Variants in IL7 observed in about 807,000 individuals in gnomAD.
IL7 encodes the protein interleukin-7.
Under a neutral mutation model 21.6 loss-of-function variants are expected in IL7, and 3 were observed. The ratio of observed to expected loss-of-function variants is 0.14; its 90% confidence interval spans 0.06 to 0.36. The LOEUF (loss-of-function observed/expected upper bound fraction) is 0.36, where lower values mean the gene tolerates loss of function less well. Among genes scored for constraint, IL7 ranks in the 10% least tolerant of loss-of-function variants. IL7 has a pLI of 1.00. For missense variants in IL7, 175 were observed against 200.2 expected, an observed-to-expected ratio of 0.87 and a Z score of 0.76; for synonymous variants, 62 against 68.1, an observed-to-expected ratio of 0.91 and a Z score of 0.44.
chr8:78,770,594 T>A (rs887727998), intron 2 of IL7, among the ~76,000 whole-genome samples: 1 of 152,126 alleles, frequency 6.6e-6, no homozygotes, highest in African/African-American at 2.4e-5. Context: ...ACACTTATTA[T>A]TTATAGATTA....
At position 78,789,063 on chromosome 8, in the gene IL7, T is replaced by A. The variant is rs186584490; in HGVS notation, c.147+9009A>T. On this transcript the variant is annotated intron_variant, in intron 2 of 5. Transcript: ENST00000263851. ...ACTCCCATTTTGATTAGTGTTAACA[T>A]AGTGTATCATTCCCCATCCTTTTAC... 4.8e-3 allele frequency among the ~76,000 whole-genome samples: 725 copies of A among 152,296 alleles called. 4 individuals carry two copies. The highest frequency in any genetic ancestry group is 5.6e-3 in the Non-Finnish European group (380 of 68,018).
At chr8:78,710,283 A>T (rs889871454) in intron 3 of IL7, among the ~76,000 whole-genome samples, 1 of 152,120 alleles carries the variant, frequency 6.6e-6, no homozygotes, top group Non-Finnish European at 1.5e-5. Context: ...TGAGTTTTGA[A>T]TGTACATATA....
At chr8:78,740,162 TATA>T (rs1368564060) in intron 2 of IL7, 80 bp from the exon 3 acceptor site, 1 of 821,814 alleles carries the variant, frequency 1.2e-6, no homozygotes, top group African/African-American at 1.8e-5. Context: ...ATAATAATCT[TATA>T]ATATCTGATA....
At chr8:78,797,280 T>C (rs1464815879) in intron 2 of IL7, among the ~76,000 whole-genome samples, 1 of 151,942 alleles carries the variant, frequency 6.6e-6, no homozygotes, top group East Asian at 1.9e-4. Flanking sequence ...AGTCGGTGGA[T>C]AGGAGATTTT....
chr8:78,712,466 CAGTATATAAT>C (rs1236070691), intron 3 of IL7, among the ~76,000 whole-genome samples: 1 of 151,842 alleles, frequency 6.6e-6, no homozygotes, highest in African/African-American at 2.4e-5. Context: ...ATGTCTTGTA[CAGTATATAAT>C]ATTGTTAGAT....
chr8:78,698,153 A>G (rs577798710), intron 3 of IL7, among the ~76,000 whole-genome samples: 14 of 152,292 alleles, frequency 9.2e-5, no homozygotes, highest in African/African-American at 2.6e-4. Flanking sequence ...GTAGTAGTCA[A>G]ACACTTAATA....
downstream of IL7, among the ~76,000 whole-genome samples, chr8:78,729,637 C>A (rs1811390030): frequency 6.6e-6 from 1 of 151,992 alleles, no homozygotes; most frequent in African/African-American, 2.4e-5. Flanking sequence ...ATAATGGTTA[C>A]TTTGTAATTT....
At chr8:78,739,440 T>C (rs1811704871) in intron 3 of IL7, among the ~76,000 whole-genome samples, 1 of 152,154 alleles carries the variant, frequency 6.6e-6, no homozygotes, top group African/African-American at 2.4e-5. Flanking sequence ...ACGCCTGTAA[T>C]CCCAGCACTT....
At chr8:78,756,905 A>G (rs1563422814) in intron 2 of IL7, among the ~76,000 whole-genome samples, 1 of 148,896 alleles carries the variant, frequency 6.7e-6, no homozygotes, top group African/African-American at 2.5e-5. Context: ...TCTGCTCTTT[A>G]TTTTTGCCTT....
chr8:78,717,701 G>C (rs1301717360), downstream of IL7: 6 of 353,226 alleles, frequency 1.7e-5, no homozygotes, highest in East Asian at 2.7e-4. Context: ...TGATACCCCA[G>C]ACTGTGTCAT....
chr8:78,723,211 C>A (rs1485610649), intron 3 of IL7, among the ~76,000 whole-genome samples: 1 of 151,358 alleles, frequency 6.6e-6, no homozygotes, highest in Non-Finnish European at 1.5e-5. Context: ...GAAGCAATTA[C>A]AATCTTCATG....
At chr8:78,722,337 T>C (rs1481121551) in intron 3 of IL7, among the ~76,000 whole-genome samples, 1 of 152,006 alleles carries the variant, frequency 6.6e-6, no homozygotes, top group Non-Finnish European at 1.5e-5. Context: ...ACTAGAGGTA[T>C]AATTTTAACG....
chr8:78,696,783 C>T (rs1255750256), intron 3 of IL7, among the ~76,000 whole-genome samples: 3 of 152,070 alleles, frequency 2.0e-5, no homozygotes, highest in Non-Finnish European at 2.9e-5. Context: ...GGTCCTAGGT[C>T]ATCTTACGGT....
chr8:78,749,072 T>C (rs1192265281), intron 2 of IL7, among the ~76,000 whole-genome samples: 3 of 152,140 alleles, frequency 2.0e-5, no homozygotes, highest in South Asian at 2.1e-4. Context: ...TTAACTGTCA[T>C]TTAACTGACT....
intron 2 of IL7, among the ~76,000 whole-genome samples, chr8:78,747,545 CTG>C (rs1186211187): frequency 6.6e-6 from 1 of 152,166 alleles, no homozygotes; most frequent in Non-Finnish European, 1.5e-5. Context: ...AAAATCTACT[CTG>C]TATGAAATTT....
downstream of IL7, among the ~76,000 whole-genome samples, chr8:78,714,145 C>T (rs1012206689): frequency 6.6e-6 from 1 of 152,074 alleles, no homozygotes; most frequent in Non-Finnish European, 1.5e-5. Context: ...GATTAAAGCT[C>T]TATAGAGAGG....
intron 1 of IL7, among the ~76,000 whole-genome samples, chr8:78,804,011 T>C (rs955882346): frequency 6.6e-5 from 10 of 152,130 alleles, no homozygotes; most frequent in African/African-American, 2.4e-4. Flanking sequence ...GTACTTACTG[T>C]AAAGCATTCC....
At chr8:78,785,973 G>A (rs1813496690) in intron 2 of IL7, among the ~76,000 whole-genome samples, 1 of 152,106 alleles carries the variant, frequency 6.6e-6, no homozygotes, top group African/African-American at 2.4e-5. Flanking sequence ...TGGTGGACAG[G>A]GACTGTCCTC....
intron 3 of IL7, chr8:78,689,384 T>A: frequency 6.4e-7 from 1 of 1,552,852 alleles, no homozygotes; most frequent in Non-Finnish European, 8.7e-7. Flanking sequence ...GTAAGTTCAG[T>A]TTTAATAATT....
Sources: allele counts gnomAD v4.1 joint callset (sites outside exome capture counted in the v4.1 genomes callset), GRCh38; gene constraint gnomAD v4.1.1; transcripts MANE v1.5; gene names NCBI Gene and HGNC (gene_info 2026-07-23, HGNC 2026-07-21).